The following ZNF69 variants were observed in gnomAD, a reference collection of about 807,000 sequenced individuals.
ZNF69 encodes the protein ZNF3.
A neutral mutation model predicts 50.9 loss-of-function variants in ZNF69; 47 were observed. That is an observed-to-expected ratio of 0.92 (90% CI 0.73 to 1.18). ZNF69 has a LOEUF of 1.18. Ranked by LOEUF, ZNF69 falls within the 50% of genes most tolerant of loss-of-function variation. The pLI, the probability that ZNF69 is intolerant of heterozygous loss-of-function variation, is 0.00. For synonymous variants in ZNF69, 216 were observed against 223.1 expected (o/e 0.97, Z 0.29); for missense variants, 717 against 675.1 (o/e 1.06, Z -0.69).
chr19:11,957,147 A>G, the ZNF69 span, among the ~76,000 whole-genome samples: 1 of 148,466 alleles, frequency 6.7e-6, no homozygotes, highest in Non-Finnish European at 1.5e-5. Context: ...GCTGGAGTGC[A>G]GTGGCACGAT....
the ZNF69 span, among the ~76,000 whole-genome samples, chr19:11,963,368 T>A: frequency 2.0e-4 from 31 of 152,324 alleles, no homozygotes; most frequent in East Asian, 6.0e-3. Flanking sequence ...ATGTTGGGAT[T>A]ACAGGCGTGA....
chr19:11,943,249 T>C, the ZNF69 span, among the ~76,000 whole-genome samples: 2 of 152,258 alleles, frequency 1.3e-5, no homozygotes, highest in African/African-American at 2.4e-5. Context: ...AACTATGTTT[T>C]TGACTACTTG....
chr19:11,905,652 A>C lies in ZNF69; in HGVS notation c.1255A>C (p.Lys419Gln). Residue 419 changes from lysine (K) to glutamine (Q), a missense_variant, in exon 4 of 4, where the codon AAG becomes CAG. Physicochemically the swap from Lys to Gln is moderately conservative, Grantham distance 53 (BLOSUM62 1). Coordinates refer to ENST00000429654, the MANE Select transcript of ZNF69 (RefSeq NM_001364730.1). ...CACTGGAGAGAAACCCTATGAGTGT[A>C]AGCAATGTGGGAAGGCCTTCAGATC... ...IHTGEKPYEC[K>Q]QCGKAFRSSS... The C allele has an allele frequency of 1.9e-6, 3 of 1,614,030 alleles. No homozygotes were observed. Among genetic ancestry groups the C allele is most frequent in the Non-Finnish European group, 1.7e-6 (2 of 1,180,008 alleles).
intron 4 of ZNF69, among the ~76,000 whole-genome samples, chr19:11,912,082 A>T (rs952419012): frequency 1.9e-4 from 29 of 152,180 alleles, no homozygotes; most frequent in African/African-American, 6.5e-4. Context: ...CTTTGAAAAC[A>T]TGGTAGGACT....
chr19:11,938,834 TC>T, the ZNF69 span, among the ~76,000 whole-genome samples: 1,921 of 152,268 alleles, frequency 0.013, 23 homozygotes, highest in South Asian at 0.024. Flanking sequence ...TAGTTTACAG[TC>T]CCACCAACAG....
At chr19:11,948,309 A>C in the ZNF69 span, 3 of 1,613,526 alleles carry the variant, frequency 1.9e-6, no homozygotes, top group Admixed American at 3.3e-5. Flanking sequence ...ATGAAATTAA[A>C]GAAGACAGTC....
At chr19:11,963,735 G>A in the ZNF69 span, among the ~76,000 whole-genome samples, 1 of 152,058 alleles carries the variant, frequency 6.6e-6, no homozygotes, top group Non-Finnish European at 1.5e-5. Flanking sequence ...CCTGTCCCGG[G>A]AGCCCCCATC....
chr19:11,889,057 G>A (rs1302712630), intron 1 of ZNF69, among the ~76,000 whole-genome samples: 1 of 152,130 alleles, frequency 6.6e-6, no homozygotes, highest in Non-Finnish European at 1.5e-5. Context: ...TTCTGTAGGT[G>A]GCAGCTGGTT....
chr19:11,894,102 G>A (rs1977163439), intron 1 of ZNF69, among the ~76,000 whole-genome samples: 1 of 152,170 alleles, frequency 6.6e-6, no homozygotes, highest in East Asian at 1.9e-4. Context: ...GAAATGTTCA[G>A]AGAATCACCA....
At chr19:11,893,549 C>A (rs1347858820) in intron 1 of ZNF69, among the ~76,000 whole-genome samples, 1 of 152,218 alleles carries the variant, frequency 6.6e-6, no homozygotes, top group Non-Finnish European at 1.5e-5. Flanking sequence ...TAGACACAGT[C>A]ACCTTATCAG....
chr19:11,888,270 G>A (rs991139170), intron 1 of ZNF69, among the ~76,000 whole-genome samples: 1 of 152,242 alleles, frequency 6.6e-6, no homozygotes, highest in African/African-American at 2.4e-5. Flanking sequence ...TTGTGCGGGG[G>A]CCACGGGAGG....
the ZNF69 span, chr19:11,978,031 G>C: frequency 6.6e-7 from 1 of 1,512,678 alleles, no homozygotes; most frequent in African/African-American, 1.4e-5. Flanking sequence ...CACCTTGATG[G>C]ACCATGTTAA....
At chr19:11,970,867 G>T in the ZNF69 span, among the ~76,000 whole-genome samples, 1 of 152,102 alleles carries the variant, frequency 6.6e-6, no homozygotes, top group Non-Finnish European at 1.5e-5. Context: ...GGAGGTGGAG[G>T]TTGCAGTGAG....
the ZNF69 span, among the ~76,000 whole-genome samples, chr19:11,936,821 G>C: frequency 6.6e-6 from 1 of 152,086 alleles, no homozygotes; most frequent in South Asian, 2.1e-4. Flanking sequence ...TATGGTTTTA[G>C]GTCTAACGTT....
At chr19:11,979,679 C>T in the ZNF69 span, 6 of 1,602,700 alleles carry the variant, frequency 3.7e-6, no homozygotes, top group South Asian at 1.1e-5. Flanking sequence ...CCTTCAAATG[C>T]ATGCTGGGAC....
chr19:11,965,758 G>T, the ZNF69 span, among the ~76,000 whole-genome samples: 10 of 152,292 alleles, frequency 6.6e-5, no homozygotes, highest in African/African-American at 2.4e-4. Context: ...AGAGACCTTG[G>T]CAAGGGAAAC....
downstream of ZNF69, among the ~76,000 whole-genome samples, chr19:11,907,124 G>A (rs540538006): frequency 3.9e-5 from 6 of 152,110 alleles, 1 homozygote; most frequent in African/African-American, 1.4e-4. Flanking sequence ...GAGAAGTTTA[G>A]AGAAAAAAGA....
At chr19:11,922,668 C>G in the ZNF69 span, among the ~76,000 whole-genome samples, 8 of 1,642 alleles carry the variant, frequency 4.9e-3, no homozygotes, top group East Asian at 0.027. Context: ...GCAAGGAGGT[C>G]ATCCGCCTGG....
the ZNF69 span, among the ~76,000 whole-genome samples, chr19:11,920,337 T>C: frequency 2.4e-3 from 358 of 152,268 alleles, 2 homozygotes; most frequent in African/African-American, 8.2e-3. Flanking sequence ...GGTCTTGAAC[T>C]CTTGATATCA....
Sources: gnomAD v4.1 joint callset for allele counts (sites outside exome capture counted in the v4.1 genomes callset) on GRCh38, gnomAD v4.1.1 for gene constraint, MANE v1.5 for transcripts, NCBI Gene and HGNC (gene_info 2026-07-23, HGNC 2026-07-21) for gene names.